Variants in KIRREL3 observed in about 807,000 individuals in gnomAD.
KIRREL3 encodes the protein kirre like nephrin family adhesion molecule 3.
A neutral mutation model predicts 89.7 loss-of-function variants in KIRREL3; 36 were observed. The ratio of observed to expected loss-of-function variants is 0.40; its 90% CI spans 0.31 to 0.53. The LOEUF (loss-of-function observed/expected upper bound fraction) is 0.53. Ranked by LOEUF, KIRREL3 falls within the 20% of genes least tolerant of loss-of-function variation. KIRREL3 has a pLI of 0.49. For synonymous variants in KIRREL3, 445 were observed against 441.4 expected, an observed-to-expected ratio of 1.01 and a Z score of -0.10; for missense variants, 864 against 1,056.6, an observed-to-expected ratio of 0.82 and a Z score of 2.53.
At position 126,676,923 on chromosome 11, in the gene KIRREL3, TA is replaced by T. The variant is rs1946218657; in HGVS notation, c.56-114012del. The stretch of plus-strand genomic sequence containing the variant: ...CCTAAACCTCCCGAGTAGCTGGGAC[TA>T]CAGGCATGCACCACCACACCACGCT... On this transcript the variant is annotated intron_variant, in intron 1 of 16. Coordinates refer to ENST00000525144, the MANE Select transcript of KIRREL3 (RefSeq NM_032531.4). The surrounding 1 kb of genome is among the most constrained non-coding windows in gnomAD (Gnocchi z 4.5). Among the ~76,000 whole-genome samples, 1 of 152,080 alleles carries T rather than the reference TA, an allele frequency of 6.6e-6. No homozygotes were observed. Among genetic ancestry groups the T allele is most frequent in the Non-Finnish European group, 1.5e-5 (1 of 68,014 alleles).
chr11:126,583,691 C>A (rs956799271), intron 1 of KIRREL3, among the ~76,000 whole-genome samples: 1 of 152,190 alleles, frequency 6.6e-6, no homozygotes, highest in African/African-American at 2.4e-5. Context: ...ATCCCATCTA[C>A]CTCGAGGAGC....
Position 126,783,360 on chromosome 11 carries a change from C to T in KIRREL3, c.55+217095G>A, listed in dbSNP as rs1396871529. On this transcript the variant is annotated intron_variant, in intron 1 of 16. Coordinates refer to ENST00000525144, the MANE Select transcript of KIRREL3 (RefSeq NM_032531.4). The surrounding 1 kb of genome is among the most constrained non-coding windows in gnomAD (Gnocchi z 4.3). Reference sequence around the variant, plus strand: ...CATTGGATTAAGGGCTTACCTTACTCCAGTATGACTTCATCCTAACTAGTG... The same window carrying T: ...CATTGGATTAAGGGCTTACCTTACTTCAGTATGACTTCATCCTAACTAGTG... Among the ~76,000 whole-genome samples, 1 of 152,178 alleles carries T rather than the reference C, an allele frequency of 6.6e-6. No individual in the cohort carries two copies. The highest frequency in any genetic ancestry group is 1.5e-5 in the Non-Finnish European group (1 of 68,034).
Position 126,611,489 on chromosome 11 carries a change from GACA to G in KIRREL3, c.56-48580_56-48578del. On this transcript the variant is annotated intron_variant, in intron 1 of 16. Coordinates refer to ENST00000525144, the MANE Select transcript of KIRREL3 (RefSeq NM_032531.4). The surrounding 1 kb of genome is among the most constrained non-coding windows in gnomAD (Gnocchi z 4.7). ...TTCCTCCTTCATACTGGACTTTGAG[GACA>G]ACGTTTTCATGTTTCACATTTCCCA... is the stretch of plus-strand genomic sequence containing the variant. Among the ~76,000 whole-genome samples the G allele has an allele frequency of 6.6e-6, 1 of 152,170 alleles. No homozygotes were observed. The highest frequency in any genetic ancestry group is 1.9e-4 in the East Asian group (1 of 5,192).
intron 5 of KIRREL3, among the ~76,000 whole-genome samples, chr11:126,467,784 T>TGAGGCCA (rs1196555270): frequency 1.3e-5 from 2 of 152,092 alleles, no homozygotes; most frequent in Admixed American, 1.3e-4. Flanking sequence ...CATCCAGCCT[T>TGAGGCCA]GAGGCCAGAG....
upstream of KIRREL3, among the ~76,000 whole-genome samples, chr11:127,001,435 T>G (rs1030719058): frequency 1.3e-5 from 2 of 151,976 alleles, no homozygotes; most frequent in African/African-American, 4.8e-5. Context: ...ACACACCCAT[T>G]TATTATCATT....
intron 1 of KIRREL3, among the ~76,000 whole-genome samples, chr11:126,922,276 C>T (rs899574426): frequency 6.6e-6 from 1 of 152,078 alleles, no homozygotes; most frequent in Non-Finnish European, 1.5e-5. Context: ...CATGCTGCCT[C>T]CAGTCCCTGT....
At chr11:126,893,772 G>A (rs560317279) in intron 1 of KIRREL3, among the ~76,000 whole-genome samples, 11 of 152,278 alleles carry the variant, frequency 7.2e-5, no homozygotes, top group Admixed American at 2.0e-4. Flanking sequence ...TAAACGATGC[G>A]TGTTATAAAT....
At chr11:126,712,792 C>T (rs1193427072) in intron 1 of KIRREL3, among the ~76,000 whole-genome samples, 1 of 152,226 alleles carries the variant, frequency 6.6e-6, no homozygotes, top group African/African-American at 2.4e-5. Context: ...TTTTGTCATC[C>T]TCGTTCCTCC....
intron 1 of KIRREL3, among the ~76,000 whole-genome samples, chr11:126,600,333 C>T (rs1246371284): frequency 2.6e-5 from 4 of 152,186 alleles, no homozygotes; most frequent in African/African-American, 7.2e-5. Context: ...TGGGAGAGAC[C>T]TTGAAGCAGA....
chr11:126,768,838 G>C lies in KIRREL3; in HGVS notation c.56-205926C>G, dbSNP rs994572114. Among the ~76,000 whole-genome samples, 7 of 152,166 alleles carry C rather than the reference G, an allele frequency of 4.6e-5. No homozygotes were observed. The highest frequency in any genetic ancestry group is 1.7e-4 in the African/African-American group (7 of 41,446). ...TGGCAGGATGTCTGAGCAGTCGGCG[G>C]AGACCAGACATAGAGCTCCATGGAG... On this transcript the variant is annotated intron_variant, in intron 1 of 16. Coordinates refer to ENST00000525144, the MANE Select transcript of KIRREL3 (RefSeq NM_032531.4). This position sits in a 1 kb window ranked among gnomAD's most constrained non-coding sequence, Gnocchi z 4.5.
chr11:126,678,076 A>T (rs1305779837), intron 1 of KIRREL3, among the ~76,000 whole-genome samples: 6 of 152,206 alleles, frequency 3.9e-5, no homozygotes, highest in Admixed American at 1.3e-4. Context: ...CAGTATGGTT[A>T]TACGCGGTAA....
Position 126,989,320 on chromosome 11 carries a change from G to C in KIRREL3, c.55+11135C>G, listed in dbSNP as rs1298270570. On this transcript the variant is annotated intron_variant, in intron 1 of 16. Transcript: ENST00000525144. The surrounding 1 kb of genome is among the most constrained non-coding windows in gnomAD (Gnocchi z 6.2). ...CAGCCCAACTCCACTGCCCAGAAAG[G>C]CTGGCACTGTGGGGACGAAGGGGGC... Among the ~76,000 whole-genome samples the C allele has an allele frequency of 4.6e-5, 7 of 152,184 alleles. No homozygotes were observed. Among genetic ancestry groups the C allele is most frequent in the African/African-American group, 1.4e-4 (6 of 41,436 alleles).
rs112694252 is a variant in KIRREL3 at position 126,649,675 on chromosome 11, G to A, written c.56-86763C>T. 2.7e-3 allele frequency among the ~76,000 whole-genome samples: 416 copies of A among 152,282 alleles called. 7 individuals carry two copies. Among genetic ancestry groups the A allele is most frequent in the African/African-American group, 9.6e-3 (397 of 41,566 alleles). ...AGCTCTATCCTTGTGGCTTTGCAGG[G>A]TACAGCCTCCCTCCCAGCTGCTTTC... On this transcript the variant is annotated intron_variant, in intron 1 of 16. Coordinates refer to ENST00000525144, the MANE Select transcript of KIRREL3 (RefSeq NM_032531.4).
In KIRREL3 at chr11:126,780,971, TC is replaced by T. The variant is rs1313560621; in HGVS notation, c.56-218060del. 6.6e-6 allele frequency among the ~76,000 whole-genome samples: 1 copy of T among 152,194 alleles called. No individual in the cohort carries two copies. The highest frequency in any genetic ancestry group is 1.5e-5 in the Non-Finnish European group (1 of 68,042). On this transcript the variant is annotated intron_variant, in intron 1 of 16. Transcript: ENST00000525144. This position sits in a 1 kb window ranked among gnomAD's most constrained non-coding sequence, Gnocchi z 5.3. ...ATGCTAAATAAAAGTTTGTATTTTC[TC>T]CCTGGATACAGCTAGCAGCTGCAAG...
At chr11:126,751,126 GAC>G (rs1308199759) in intron 1 of KIRREL3, among the ~76,000 whole-genome samples, 1 of 152,164 alleles carries the variant, frequency 6.6e-6, no homozygotes. Flanking sequence ...CAACAGTATA[GAC>G]ACACTGTCGG....
At chr11:126,488,875 C>A (rs977165471) in intron 4 of KIRREL3, among the ~76,000 whole-genome samples, 1 of 152,242 alleles carries the variant, frequency 6.6e-6, no homozygotes, top group African/African-American at 2.4e-5. Flanking sequence ...ACCTTTGCAG[C>A]CTTACCCCGT....
chr11:126,914,049 T>G (rs1793658), intron 1 of KIRREL3, among the ~76,000 whole-genome samples: 128,753 of 152,242 alleles, frequency 0.85, 54,864 homozygotes, highest in Middle Eastern at 0.96. Flanking sequence ...TTTGTGACTT[T>G]CTTTGGCCAA....
Position 126,778,341 on chromosome 11 carries a change from T to G in KIRREL3, c.56-215429A>C, listed in dbSNP as rs190075711. Among the ~76,000 whole-genome samples the G allele has an allele frequency of 6.6e-6, 1 of 152,300 alleles. No homozygotes were observed. Among genetic ancestry groups the G allele is most frequent in the Non-Finnish European group, 1.5e-5 (1 of 68,010 alleles). The stretch of plus-strand genomic sequence containing the variant: ...TCTTGAAGTTGTGTTTGCGTAGCAA[T>G]CACCCATTTTTATGGAGACTGCATC... On this transcript the variant is annotated intron_variant, in intron 1 of 16. Transcript: ENST00000525144. The surrounding 1 kb of genome is among the most constrained non-coding windows in gnomAD (Gnocchi z 4.5).
chr11:126,786,441 C>A (rs894378182), intron 1 of KIRREL3, among the ~76,000 whole-genome samples: 1 of 151,854 alleles, frequency 6.6e-6, no homozygotes, highest in Non-Finnish European at 1.5e-5. Context: ...TTCCTGTTTC[C>A]TAAAGCAATT....
Sources: gnomAD v4.1 joint callset for allele counts (sites outside exome capture counted in the v4.1 genomes callset) on GRCh38, gnomAD v4.1.1 for gene constraint, Gnocchi (gnomAD v3.1) non-coding constraint, MANE v1.5 for transcripts, NCBI Gene and HGNC (gene_info 2026-07-23, HGNC 2026-07-21) for gene names.